Variants in SNX29 observed in about 807,000 individuals in gnomAD.
SNX29 encodes sorting nexin-29.
In SNX29, 78 loss-of-function variants were observed where a neutral mutation model predicts 102.1. The ratio of observed to expected loss-of-function variants is 0.76; its 90% CI spans 0.64 to 0.92. SNX29 has a LOEUF of 0.92. Among genes scored for constraint, SNX29 ranks in the 40% least tolerant of loss-of-function variants. The pLI is 0.00. For missense variants in SNX29, 1,280 were observed against 1,061.7 expected (o/e 1.21, Z -2.86); for synonymous variants, 580 against 414.5 (o/e 1.40, Z -4.85).
At chr16:12,465,067 A>G (rs1331374497) in intron 18 of SNX29, among the ~76,000 whole-genome samples, 1 of 152,196 alleles carries the variant, frequency 6.6e-6, no homozygotes, top group Non-Finnish European at 1.5e-5. Flanking sequence ...GTCTGTTTAC[A>G]TCCTTTGCCC....
intron 15 of SNX29, among the ~76,000 whole-genome samples, chr16:12,304,783 A>AT (rs902247324): frequency 3.3e-5 from 5 of 152,152 alleles, no homozygotes; most frequent in African/African-American, 7.2e-5. Flanking sequence ...AAGTGGCCAT[A>AT]TTTTTTTAAA....
At chr16:12,528,284 C>T (rs1393421127) in intron 20 of SNX29, among the ~76,000 whole-genome samples, 2 of 152,170 alleles carry the variant, frequency 1.3e-5, no homozygotes, top group Admixed American at 6.5e-5. Context: ...ACTGCAACCT[C>T]TACCTCCGGT....
intron 20 of SNX29, 131 bp from the exon 21 acceptor site, chr16:12,568,375 G>C (rs1021070157): frequency 7.3e-6 from 9 of 1,234,566 alleles, no homozygotes; most frequent in East Asian, 2.4e-5. Context: ...ACCAGTTAGA[G>C]GCAGATCCAA....
At chr16:12,371,249 T>C (rs567752296) in intron 16 of SNX29, among the ~76,000 whole-genome samples, 2 of 151,878 alleles carry the variant, frequency 1.3e-5, no homozygotes, top group East Asian at 1.9e-4. Flanking sequence ...TTCCTTCCTT[T>C]CTTTCTCTCT....
At chr16:12,108,811 C>A (rs2053377819) in intron 11 of SNX29, among the ~76,000 whole-genome samples, 1 of 152,076 alleles carries the variant, frequency 6.6e-6, no homozygotes, top group African/African-American at 2.4e-5. Context: ...TTGCTTATAA[C>A]AGAGTACTTG....
chr16:12,332,105 C>T (rs1377674134), intron 15 of SNX29, among the ~76,000 whole-genome samples: 1 of 152,046 alleles, frequency 6.6e-6, no homozygotes, highest in African/African-American at 2.4e-5. Context: ...GTGAGCATTA[C>T]TTACTTTTGC....
At chr16:12,036,559 C>T (rs1434443059) in intron 4 of SNX29, among the ~76,000 whole-genome samples, 1 of 152,186 alleles carries the variant, frequency 6.6e-6, no homozygotes, top group Non-Finnish European at 1.5e-5. Flanking sequence ...TGGTCTCGAT[C>T]TCCTGACCTC....
At chr16:11,981,270 A>G (rs1313513358) in intron 1 of SNX29, among the ~76,000 whole-genome samples, 1 of 151,236 alleles carries the variant, frequency 6.6e-6, no homozygotes, top group East Asian at 1.9e-4. Flanking sequence ...GCACCTGGCC[A>G]ATTTTTGTAT....
intron 19 of SNX29, among the ~76,000 whole-genome samples, chr16:12,510,444 C>T (rs564748588): frequency 6.6e-6 from 1 of 152,180 alleles, no homozygotes; most frequent in East Asian, 1.9e-4. Context: ...GAGGCTGAGG[C>T]GGGTGGATCA....
At chr16:12,403,255 T>TGTGTGTGTGTGTGTGTGTGG (rs200446987) in intron 17 of SNX29, among the ~76,000 whole-genome samples, 193 bp from the exon 18 acceptor site, 1 of 100,952 alleles carries the variant, frequency 9.9e-6, no homozygotes, top group Non-Finnish European at 2.1e-5. Flanking sequence ...TGTGTGTGTG[T>TGTGTGTGTGTGTGTGTGTGG]AGAGAGAGAC....
chr16:12,165,793 G>A (rs1396321511), intron 13 of SNX29, among the ~76,000 whole-genome samples: 1 of 152,182 alleles, frequency 6.6e-6, no homozygotes, highest in African/African-American at 2.4e-5. Flanking sequence ...CGAACTCCTG[G>A]CCTCAACTGA....
At chr16:12,536,287 C>T (rs542848878) in intron 20 of SNX29, among the ~76,000 whole-genome samples, 77 of 152,108 alleles carry the variant, frequency 5.1e-4, no homozygotes, top group African/African-American at 1.8e-3. Context: ...ATGTTTTTCT[C>T]ACTAGCTCGT....
chr16:12,400,723 C>A (rs933986435), intron 17 of SNX29, among the ~76,000 whole-genome samples: 2 of 152,168 alleles, frequency 1.3e-5, no homozygotes, highest in African/African-American at 4.8e-5. Context: ...ATACACCTGA[C>A]AACAAAGCTT....
chr16:12,112,784 C>G (rs1005127013), intron 11 of SNX29, among the ~76,000 whole-genome samples: 2 of 152,196 alleles, frequency 1.3e-5, no homozygotes, highest in Admixed American at 6.5e-5. Context: ...CCTCAATAGC[C>G]TACTGTCCTT....
intron 14 of SNX29, among the ~76,000 whole-genome samples, chr16:12,224,803 G>A (rs146614436): frequency 4.6e-5 from 7 of 152,218 alleles, no homozygotes; most frequent in African/African-American, 1.4e-4. Flanking sequence ...GTGTCCTTTT[G>A]CATGTGTTTA....
At chr16:12,240,153 T>C (rs1359708588) in intron 14 of SNX29, among the ~76,000 whole-genome samples, 5 of 152,230 alleles carry the variant, frequency 3.3e-5, no homozygotes, top group Non-Finnish European at 5.9e-5. Flanking sequence ...ACTGAAGTTA[T>C]TTGTTGTTAT....
At chr16:12,450,093 C>T (rs754865769) in intron 18 of SNX29, among the ~76,000 whole-genome samples, 18 of 152,202 alleles carry the variant, frequency 1.2e-4, no homozygotes, top group Non-Finnish European at 2.2e-4. Context: ...TTGCCTGCCA[C>T]CATGTAAGAG....
At chr16:12,515,972 C>T (rs1485586912) in intron 19 of SNX29, among the ~76,000 whole-genome samples, 1 of 152,076 alleles carries the variant, frequency 6.6e-6, no homozygotes, top group Non-Finnish European at 1.5e-5. Flanking sequence ...GCTACATGCT[C>T]CCAGAGAAAG....
At chr16:12,566,958 G>C (rs945437667) in intron 20 of SNX29, among the ~76,000 whole-genome samples, 1 of 152,224 alleles carries the variant, frequency 6.6e-6, no homozygotes, top group Non-Finnish European at 1.5e-5. Context: ...CTTGAAACGA[G>C]GGATCTCACT....
Sources: allele counts gnomAD v4.1 joint callset (sites outside exome capture counted in the v4.1 genomes callset), GRCh38; gene constraint gnomAD v4.1.1; transcripts MANE v1.5; gene names NCBI Gene and HGNC (gene_info 2026-07-23, HGNC 2026-07-21).